Variants in PPIG observed in about 807,000 individuals in gnomAD.
PPIG encodes peptidylprolyl isomerase G.
Under a neutral mutation model 87.9 loss-of-function variants are expected in PPIG, and 26 were observed. The ratio of observed to expected loss-of-function variants is 0.30; its 90% CI spans 0.22 to 0.41. The LOEUF (loss-of-function observed/expected upper bound fraction) is 0.41, where lower values mean the gene tolerates loss of function less well. Ranked by LOEUF, PPIG falls within the 10% of genes least tolerant of loss-of-function variation. The pLI is 1.00. For synonymous variants in PPIG, 308 were observed against 276.5 expected (o/e 1.11, Z -1.13); for missense variants, 722 against 879.4 (o/e 0.82, Z 2.26).
chr2:169,586,354 A>G (rs1684705388), intron 1 of PPIG, among the ~76,000 whole-genome samples: 1 of 152,188 alleles, frequency 6.6e-6, no homozygotes, highest in African/African-American at 2.4e-5. Context: ...TTTCTGGCCC[A>G]ATTATCTTTC....
chr2:169,610,309 C>A (rs889254820), intron 7 of PPIG, among the ~76,000 whole-genome samples: 4 of 152,146 alleles, frequency 2.6e-5, no homozygotes, highest in Non-Finnish European at 5.9e-5. Context: ...TTCACTATTT[C>A]TTTATCCTTA....
At chr2:169,636,364 C>CA in intron 13 of PPIG, 49 bp from the exon 14 acceptor site, 1 of 1,477,228 alleles carries the variant, frequency 6.8e-7, no homozygotes, top group Admixed American at 2.4e-5. Flanking sequence ...ATAATATCTA[C>CA]AGTTCTTTTC....
chr2:169,609,127 G>C (rs116397988), intron 7 of PPIG, among the ~76,000 whole-genome samples: 1 of 150,946 alleles, frequency 6.6e-6, no homozygotes, highest in Non-Finnish European at 1.5e-5. Flanking sequence ...TCATTTCTCT[G>C]TGTGCCTGCC....
Position 169,637,169 on chromosome 2 carries a change from A to C in PPIG, c.1911A>C (p.Gln637His). The C allele has an allele frequency of 6.2e-7, 1 of 1,613,106 alleles. No individual in the cohort carries two copies. Among genetic ancestry groups the C allele is most frequent in the Non-Finnish European group, 8.5e-7 (1 of 1,179,760 alleles). ...DSRSSEREES[Q>H]SRNKDKYRNQ... is the part of the protein sequence containing the mutation. ...GGAGCTCAGAGAGAGAAGAAAGTCA[A>C]AGCAGAAACAAAGACAAATACAGAA... Residue 637 changes from glutamine (Q) to histidine (H), a missense_variant, in exon 14 of 14, where the codon CAA (glutamine) becomes CAC (histidine). By Grantham distance (24) the Gln-to-His change is conservative. Transcript: ENST00000260970.
intron 9 of PPIG, among the ~76,000 whole-genome samples, chr2:169,618,972 G>A (rs1195442770): frequency 6.6e-6 from 1 of 151,904 alleles, no homozygotes; most frequent in Non-Finnish European, 1.5e-5. Context: ...TGTGATGTTA[G>A]GGTGTCCATT....
intron 12 of PPIG, among the ~76,000 whole-genome samples, chr2:169,634,632 C>A (rs1190919289): frequency 2.0e-5 from 3 of 152,132 alleles, no homozygotes; most frequent in Admixed American, 2.0e-4. Flanking sequence ...AGTTCCTTCC[C>A]AAGAATAATC....
At chr2:169,588,219 T>C (rs1684760104) in intron 1 of PPIG, among the ~76,000 whole-genome samples, 1 of 152,100 alleles carries the variant, frequency 6.6e-6, no homozygotes, top group East Asian at 1.9e-4. Context: ...GTTTTAAAAA[T>C]GAACGAAGCA....
chr2:169,630,462 G>C (rs1422401556), intron 9 of PPIG, among the ~76,000 whole-genome samples: 1 of 151,968 alleles, frequency 6.6e-6, no homozygotes, highest in Non-Finnish European at 1.5e-5. Flanking sequence ...TTAGAACATG[G>C]GACTCTTCAT....
intron 1 of PPIG, among the ~76,000 whole-genome samples, chr2:169,588,178 A>C (rs1216761513): frequency 6.6e-6 from 1 of 152,216 alleles, no homozygotes; most frequent in East Asian, 1.9e-4. Flanking sequence ...AATTAAAAAT[A>C]AAAATAAAAA....
rs144508595 is a variant in PPIG at position 169,631,795 on chromosome 2, T to C, written c.791T>C (p.Leu264Pro). The C allele has an allele frequency of 6.2e-7, 1 of 1,613,884 alleles. No individual in the cohort carries two copies. Among genetic ancestry groups the C allele is most frequent in the East Asian group, 2.2e-5 (1 of 44,846 alleles). Residue 264 changes from leucine (L) to proline (P), a missense_variant, in exon 11 of 14, where the codon CTT becomes CCT. By Grantham distance (98) the Leu-to-Pro change is moderately conservative (BLOSUM62 -3). Coordinates refer to ENST00000260970, the MANE Select transcript of PPIG (RefSeq NM_004792.3). ...SASSESEAEN[L>P]EAQPQSTVRP... ...TCTAGTGAGAGTGAAGCTGAAAATC[T>C]TGAAGCACAACCCCAGTCTACTGTC...
intron 1 of PPIG, among the ~76,000 whole-genome samples, chr2:169,587,511 A>G (rs13391046): frequency 0.18 from 27,142 of 152,154 alleles, 2,727 homozygotes; most frequent in African/African-American, 0.26. Context: ...AAGTGCTAGT[A>G]TTACAGGCGT....
chr2:169,634,259 G>A (rs534183219), intron 12 of PPIG, among the ~76,000 whole-genome samples: 5 of 151,858 alleles, frequency 3.3e-5, no homozygotes, highest in East Asian at 1.9e-4. Context: ...ATGGGGTTTC[G>A]TCATGTTGCC....
intron 1 of PPIG, among the ~76,000 whole-genome samples, chr2:169,594,705 A>G (rs1405297716): frequency 6.7e-6 from 1 of 148,416 alleles, no homozygotes; most frequent in Non-Finnish European, 1.5e-5. Context: ...GCTCACTGCA[A>G]TCTCCACCTC....
chr2:169,590,001 C>A (rs969102115), intron 1 of PPIG, among the ~76,000 whole-genome samples: 2 of 151,676 alleles, frequency 1.3e-5, no homozygotes, highest in African/African-American at 2.4e-5. Flanking sequence ...CCCAGCTACT[C>A]GGGAGGCTGA....
At chr2:169,631,123 C>G (rs1352103794) in intron 10 of PPIG, 136 bp downstream of exon 10, 1 of 807,348 alleles carries the variant, frequency 1.2e-6, no homozygotes, top group Non-Finnish European at 1.9e-6. Context: ...TTTTGATATT[C>G]CACAGTCTAT....
intron 9 of PPIG, among the ~76,000 whole-genome samples, chr2:169,623,632 C>T (rs1169213256): frequency 1.3e-5 from 2 of 152,156 alleles, no homozygotes; most frequent in African/African-American, 2.4e-5. Flanking sequence ...TGAAGAGGAA[C>T]ACTAGAGATT....
At chr2:169,599,197 A>AT (rs1465209000) in intron 1 of PPIG, among the ~76,000 whole-genome samples, 2 of 152,104 alleles carry the variant, frequency 1.3e-5, no homozygotes, top group Non-Finnish European at 2.9e-5. Context: ...AAATGAGGTC[A>AT]TTTTTTATTT....
intron 5 of PPIG, among the ~76,000 whole-genome samples, chr2:169,606,421 G>C (rs936504987): frequency 6.6e-6 from 1 of 151,892 alleles, no homozygotes; most frequent in African/African-American, 2.4e-5. Flanking sequence ...GTGAAACCCT[G>C]CCTCTACTAA....
chr2:169,594,189 T>C (rs572134329), intron 1 of PPIG, among the ~76,000 whole-genome samples: 2 of 152,276 alleles, frequency 1.3e-5, no homozygotes, highest in South Asian at 2.1e-4. Flanking sequence ...GTTCAAAGTA[T>C]AAACACTTAT....
Sources: gnomAD v4.1 joint callset for allele counts (sites outside exome capture counted in the v4.1 genomes callset) on GRCh38, gnomAD v4.1.1 for gene constraint, MANE v1.5 for transcripts, NCBI Gene and HGNC (gene_info 2026-07-23, HGNC 2026-07-21) for gene names.